The following ZFP3 variants were observed in gnomAD, a reference collection of about 807,000 sequenced individuals.
ZFP3 encodes zinc finger protein 3 homolog.
Under a neutral mutation model 36.7 loss-of-function variants are expected in ZFP3, and 18 were observed. The ratio of observed to expected loss-of-function variants is 0.49; its 90% CI spans 0.34 to 0.73. The LOEUF is 0.73. Among genes scored for constraint, ZFP3 ranks in the 30% least tolerant of loss-of-function variants. The pLI, the probability that ZFP3 is intolerant of heterozygous loss-of-function variation, is 0.01. For missense variants in ZFP3, 495 were observed against 599.0 expected (o/e 0.83, Z 1.81); for synonymous variants, 218 against 199.0 (o/e 1.10, Z -0.81).
chr17:5,090,171 C>A (rs2072142644), intron 1 of ZFP3, among the ~76,000 whole-genome samples: 3 of 152,058 alleles, frequency 2.0e-5, no homozygotes, highest in Admixed American at 1.3e-4. Flanking sequence ...CAAATTTATA[C>A]TAAAGTTTAC....
chr17:5,091,462 A>G, intron 1 of ZFP3, 35 bp from the exon 2 acceptor site: 1 of 1,582,210 alleles, frequency 6.3e-7, no homozygotes, highest in South Asian at 1.2e-5. Context: ...TAAATATGAT[A>G]CGGTCCCTTC....
Position 5,093,167 on chromosome 17 carries a change from A to G in ZFP3, c.*154A>G, listed in dbSNP as rs2072159871. ...GATTTTAAATAGTTGGTTGAAGAAG[A>G]TGAGGCACTTTTTTTTTTTTTTTTT... On this transcript the variant is annotated 3_prime_UTR_variant, in exon 2 of 2. Coordinates refer to ENST00000318833, the MANE Select transcript of ZFP3 (RefSeq NM_153018.3). 2.6e-6 allele frequency: 2 copies of G among 781,426 alleles called. No homozygotes were observed. The highest frequency in any genetic ancestry group is 2.2e-5 in the African/African-American group (1 of 46,304). The allele number at this position is 781,426 out of a possible 1,614,324, so 48.4% of individuals were successfully genotyped here. A position where few individuals can be genotyped will look rare whatever the true frequency, so the allele number is the denominator to read the frequency against.
intron 1 of ZFP3, among the ~76,000 whole-genome samples, chr17:5,084,479 G>A (rs10852867): frequency 8.0e-6 from 1 of 124,954 alleles, no homozygotes; most frequent in Non-Finnish European, 1.7e-5. Flanking sequence ...GTTTCACCGT[G>A]TTAGCCAGGA....
At chr17:5,089,360 T>A (rs2072137950) in intron 1 of ZFP3, among the ~76,000 whole-genome samples, 1 of 152,142 alleles carries the variant, frequency 6.6e-6, no homozygotes, top group African/African-American at 2.4e-5. Flanking sequence ...GGGAACAGCA[T>A]GGAAGACAAG....
chr17:5,083,861 C>A (rs2072106671), intron 1 of ZFP3, among the ~76,000 whole-genome samples: 1 of 149,134 alleles, frequency 6.7e-6, no homozygotes, highest in Non-Finnish European at 1.5e-5. Context: ...CTTTTCTTTT[C>A]TTTTCTTTTC....
intron 1 of ZFP3, among the ~76,000 whole-genome samples, chr17:5,081,199 T>G (rs1403610628): frequency 6.6e-6 from 1 of 151,542 alleles, no homozygotes; most frequent in Non-Finnish European, 1.5e-5. Flanking sequence ...CTTCACACCA[T>G]TCTCCTGCCT....
chr17:5,090,493 C>T (rs1445355130), intron 1 of ZFP3, among the ~76,000 whole-genome samples: 1 of 152,226 alleles, frequency 6.6e-6, no homozygotes, highest in Non-Finnish European at 1.5e-5. Flanking sequence ...AAAGGCGGTA[C>T]TTCTGTGCTA....
At chr17:5,080,465 C>T (rs796360077) in intron 1 of ZFP3, among the ~76,000 whole-genome samples, 1 of 152,116 alleles carries the variant, frequency 6.6e-6, no homozygotes, top group African/African-American at 2.4e-5. Flanking sequence ...TCACATACCC[C>T]GTAAAATAAT....
Position 5,093,136 on chromosome 17 carries a change from C to T in ZFP3, c.*123C>T. ...GAATGGACAGAACCTCCTCTGTCCT[C>T]CCACTGATTTTAAATAGTTGGTTGA... On this transcript the variant is annotated 3_prime_UTR_variant, in exon 2 of 2. Coordinates refer to ENST00000318833, the MANE Select transcript of ZFP3 (RefSeq NM_153018.3). 1 of 1,051,190 alleles carries T rather than the reference C, an allele frequency of 9.5e-7. No individual in the cohort carries two copies. Among genetic ancestry groups the T allele is most frequent in the Non-Finnish European group, 1.3e-6 (1 of 754,992 alleles). The allele number at this position is 1,051,190 out of a possible 1,614,324, so 65.1% of individuals were successfully genotyped here.
chr17:5,084,456 TA>T (rs2072110652), intron 1 of ZFP3, among the ~76,000 whole-genome samples: 3 of 120,576 alleles, frequency 2.5e-5, no homozygotes, highest in Non-Finnish European at 5.1e-5. Context: ...TTTGTATTTT[TA>T]GTAGAGACGG....
rs575932833 is a variant in ZFP3, at chr17:5,082,341, C to T, written c.-9+3766C>T. ...CAGCCTGGGCGACAGAGTGAGACTC[C>T]GTCTCAAAAAAATAATAAGTAAAAT... On this transcript the variant is annotated intron_variant, in intron 1 of 1. Transcript: ENST00000318833. 5.9e-5 allele frequency among the ~76,000 whole-genome samples: 9 copies of T among 151,878 alleles called. No homozygotes were observed. The South Asian group carries it at 1.9e-3, about 32-fold the overall frequency.
At chr17:5,080,480 G>A (rs1238698455) in intron 1 of ZFP3, among the ~76,000 whole-genome samples, 2 of 152,114 alleles carry the variant, frequency 1.3e-5, no homozygotes, top group Non-Finnish European at 2.9e-5. Flanking sequence ...AATAATTTTG[G>A]AAGGTTTGTG....
At position 5,093,361 on chromosome 17, in the gene ZFP3, T is replaced by C. The variant is rs141452428; in HGVS notation, c.*348T>C. On this transcript the variant is annotated 3_prime_UTR_variant, in exon 2 of 2. Coordinates refer to ENST00000318833, the MANE Select transcript of ZFP3 (RefSeq NM_153018.3). ...TTTTATGAATTATTCATTGAGAGGT[T>C]TCAGTGTGCTAAGTTAAATCATAAA... The C allele has an allele frequency of 3.2e-3, 684 of 215,068 alleles. 3 individuals carry two copies. The highest frequency in any genetic ancestry group is 0.019 in the Middle Eastern group (10 of 524). The allele number at this position is 215,068 out of a possible 1,614,324, so 13.3% of individuals were successfully genotyped here.
chr17:5,082,047 A>C (rs1324471448), intron 1 of ZFP3, among the ~76,000 whole-genome samples: 1 of 150,080 alleles, frequency 6.7e-6, no homozygotes, highest in Admixed American at 6.6e-5. Flanking sequence ...CCCCGCCTCT[A>C]CTAAAAATAC....
At chr17:5,088,430 G>A (rs2072131986) in intron 1 of ZFP3, among the ~76,000 whole-genome samples, 1 of 151,062 alleles carries the variant, frequency 6.6e-6, no homozygotes, top group South Asian at 2.1e-4. Flanking sequence ...CTTGATGACT[G>A]CAGCAGCCTC....
chr17:5,096,287 G>A lies in ZFP3; in HGVS notation c.*3274G>A, dbSNP rs1019122253. 6.0e-6 allele frequency: 1 copy of A among 166,992 alleles called. No homozygotes were observed. The highest frequency in any genetic ancestry group is 6.5e-5 in the Admixed American group (1 of 15,268). 10.3% of individuals were successfully genotyped at this position (166,992 alleles called of 1,614,324 possible). A position where few individuals can be genotyped will look rare whatever the true frequency, so the allele number is the denominator to read the frequency against. ...TACCCTTCAGAATTTTTGAAGCTAT[G>A]CCCATGTACAAAATTTTCTTCCTTC... is the stretch of plus-strand genomic sequence containing the variant. On this transcript the variant is annotated 3_prime_UTR_variant, in exon 2 of 2. Transcript: ENST00000318833.
chr17:5,091,887 C>T lies in ZFP3; in HGVS notation c.383C>T (p.Ser128Phe), dbSNP rs762049190. 1.1e-5 allele frequency: 18 copies of T among 1,614,048 alleles called. No homozygotes were observed. In the African/African-American group the frequency reaches 1.9e-4, roughly 17 times the overall value. Residue 128 changes from serine to phenylalanine, a missense_variant, in exon 2 of 2, where the codon TCT becomes TTT. By Grantham distance (155) the Ser-to-Phe change is radical (BLOSUM62 -2). Coordinates refer to ENST00000318833, the MANE Select transcript of ZFP3 (RefSeq NM_153018.3). ...CAAAACTTCCTAGAGATTTTAGAATCTAACAAAACACAGAGAAGTTCTGTG... is the reference window on the plus strand; with the variant it reads ...CAAAACTTCCTAGAGATTTTAGAATTTAACAAAACACAGAGAAGTTCTGTG... The part of the protein sequence containing the change: ...SGQNFLEILE[S>F]NKTQRSSVGE...
intron 1 of ZFP3, among the ~76,000 whole-genome samples, chr17:5,085,950 T>C (rs2143524841): frequency 6.6e-6 from 1 of 152,132 alleles, no homozygotes; most frequent in Admixed American, 6.5e-5. Flanking sequence ...GAGAGAGAAA[T>C]GTATTTAAGA....
rs531934254 is a variant in ZFP3 at position 5,090,870 on chromosome 17, T to C, written c.-8-627T>C. Reference sequence around the variant, plus strand: ...ATTTTTAGTAGACAGGGTTTCGCCATGTTGCCCAGGTTGGTCTTGAACTCC... The same window carrying C: ...ATTTTTAGTAGACAGGGTTTCGCCACGTTGCCCAGGTTGGTCTTGAACTCC... On this transcript the variant is annotated intron_variant, in intron 1 of 1. Coordinates refer to ENST00000318833, the MANE Select transcript of ZFP3 (RefSeq NM_153018.3). Among the ~76,000 whole-genome samples the C allele has an allele frequency of 2.0e-5, 3 of 152,258 alleles. No homozygotes were observed. The East Asian group carries it at 5.8e-4, about 29-fold the overall frequency.
Sources: gnomAD v4.1 joint callset for allele counts (sites outside exome capture counted in the v4.1 genomes callset) on GRCh38, gnomAD v4.1.1 for gene constraint, MANE v1.5 for transcripts, NCBI Gene and HGNC (gene_info 2026-07-23, HGNC 2026-07-21) for gene names.